Variants in SPSB4 observed in about 807,000 individuals in gnomAD.
The protein encoded by SPSB4 is splA/ryanodine receptor domain and SOCS box containing 4.
SPSB4 carries 21 observed loss-of-function variants against 20.9 expected under a neutral mutation model. The ratio of observed to expected loss-of-function variants is 1.01; its 90% CI spans 0.71 to 1.45. SPSB4 has a LOEUF of 1.45. Among genes scored for constraint, SPSB4 ranks in the 40% most tolerant of loss-of-function variants. The pLI is 0.00. For synonymous variants in SPSB4, 207 were observed against 183.8 expected (o/e 1.13, Z -1.02); for missense variants, 399 against 399.2 (o/e 1.00, Z 0.00).
chr3:141,055,191 C>A (rs1937617821), intron 1 of SPSB4, among the ~76,000 whole-genome samples: 1 of 152,062 alleles, frequency 6.6e-6, no homozygotes, highest in Non-Finnish European at 1.5e-5. Flanking sequence ...GGTTGGAGGG[C>A]AGAGGGTGCA....
chr3:141,116,922 A>G (rs531942995), intron 2 of SPSB4: 46 of 152,304 alleles, frequency 3.0e-4, no homozygotes, highest in African/African-American at 1.1e-3. Flanking sequence ...GAGCAGGCTG[A>G]TGGGTGTGGC....
chr3:141,126,070 A>G (rs981924380), intron 2 of SPSB4, among the ~76,000 whole-genome samples: 3 of 152,186 alleles, frequency 2.0e-5, no homozygotes, highest in African/African-American at 7.2e-5. Flanking sequence ...ATGCTCCCCA[A>G]GTCTTTGGGG....
rs1303760921 is a variant in SPSB4 at position 141,147,264 on chromosome 3, C to T, written c.817C>T (p.Gln273Ter). 3 of 1,614,106 alleles carry T rather than the reference C, an allele frequency of 1.9e-6. No homozygotes were observed. The highest frequency in any genetic ancestry group is 2.5e-6 in the Non-Finnish European group (3 of 1,180,046). ...PQSLKNYLQY[Q>*] The stretch of plus-strand genomic sequence containing the variant: ...GTCTCTCAAAAACTATCTGCAGTAC[C>T]AGTGAGCCAAGCCTGATGGGCAGCA... The change falls in exon 3 of 3, where the codon CAG (glutamine) becomes TAG (stop). Residue 273 changes from glutamine to a stop codon, truncating the protein, a stop_gained. Coordinates refer to ENST00000310546, the MANE Select transcript of SPSB4 (RefSeq NM_080862.3). LOFTEE classifies it high-confidence loss of function.
intron 2 of SPSB4, chr3:141,080,505 C>G (rs566345586): frequency 1.3e-5 from 2 of 152,442 alleles, no homozygotes; most frequent in Non-Finnish European, 2.9e-5. Context: ...GAGCCCACCC[C>G]GACCTCTGTA....
At chr3:141,130,946 G>A (rs1443052185) in intron 2 of SPSB4, among the ~76,000 whole-genome samples, 1 of 152,158 alleles carries the variant, frequency 6.6e-6, no homozygotes, top group Non-Finnish European at 1.5e-5. Flanking sequence ...TCCATCCCTG[G>A]CTCCAGGAAA....
intron 2 of SPSB4, chr3:141,132,116 T>C (rs1434719542): frequency 2.9e-6 from 1 of 349,196 alleles, no homozygotes; most frequent in Non-Finnish European, 5.5e-6. Context: ...GTGTAGTCTT[T>C]TATCCCTCAA....
At chr3:141,062,061 C>A (rs1410415688) in intron 1 of SPSB4, among the ~76,000 whole-genome samples, 5 of 152,152 alleles carry the variant, frequency 3.3e-5, no homozygotes, top group Non-Finnish European at 7.3e-5. Context: ...TGTTCCAGAT[C>A]CCATCCAGGA....
chr3:141,062,982 T>A (rs781433441), intron 1 of SPSB4, among the ~76,000 whole-genome samples: 2 of 149,570 alleles, frequency 1.3e-5, no homozygotes, highest in Non-Finnish European at 2.9e-5. Context: ...AAATTAAAAT[T>A]ACATGCCTCT....
At chr3:141,063,617 A>G (rs576856739) in intron 1 of SPSB4, among the ~76,000 whole-genome samples, 1 of 152,324 alleles carries the variant, frequency 6.6e-6, no homozygotes, top group South Asian at 2.1e-4. Flanking sequence ...TTAGTTTACA[A>G]ATTTGGTTCC....
At chr3:141,103,637 G>C (rs1183040636) in intron 2 of SPSB4, among the ~76,000 whole-genome samples, 1 of 152,094 alleles carries the variant, frequency 6.6e-6, no homozygotes, top group Admixed American at 6.6e-5. Context: ...GAGAATGTAG[G>C]GTAGGTAAGG....
chr3:141,103,680 A>G (rs1312340035), intron 2 of SPSB4, among the ~76,000 whole-genome samples: 1 of 152,086 alleles, frequency 6.6e-6, no homozygotes, highest in Non-Finnish European at 1.5e-5. Flanking sequence ...CAACCCTCCA[A>G]CAGCGAACTG....
chr3:141,136,839 A>G (rs1405908992), intron 2 of SPSB4, among the ~76,000 whole-genome samples: 1 of 152,166 alleles, frequency 6.6e-6, no homozygotes, highest in Admixed American at 6.5e-5. Flanking sequence ...TTTTGGTTCC[A>G]TATGAACTTT....
At chr3:141,101,645 C>A (rs1419396099) in intron 2 of SPSB4, among the ~76,000 whole-genome samples, 1 of 152,202 alleles carries the variant, frequency 6.6e-6, no homozygotes, top group Non-Finnish European at 1.5e-5. Context: ...GGTGCTGGCA[C>A]ACAGTGGTGA....
intron 2 of SPSB4, among the ~76,000 whole-genome samples, chr3:141,107,955 A>T (rs1938725056): frequency 7.1e-6 from 1 of 141,520 alleles, no homozygotes; most frequent in Non-Finnish European, 1.5e-5. Flanking sequence ...ACTCTGTCTT[A>T]AAAAAAAAAA....
chr3:141,110,421 G>T (rs530480157), intron 2 of SPSB4, among the ~76,000 whole-genome samples: 1 of 152,288 alleles, frequency 6.6e-6, no homozygotes, highest in African/African-American at 2.4e-5. Context: ...GCCACATACT[G>T]CCTTGGAGCT....
chr3:141,147,239 GTC>G lies in SPSB4; in HGVS notation c.797_798del (p.Leu266GlnfsTer12). The stretch of plus-strand genomic sequence containing the variant: ...ACATCAGCTCCCTGCCCCTGCCTCA[GTC>G]TCTCAAAAACTATCTGCAGTACCAG... The part of the protein sequence containing the change: ...QDISSLPLPQ[S>X]LKNYLQYQ On this transcript the variant is annotated frameshift_variant, in exon 3 of 3. Transcript: ENST00000310546. LOFTEE classifies it high-confidence loss of function. The G allele has an allele frequency of 1.2e-6, 2 of 1,614,234 alleles. No homozygotes were observed. Among genetic ancestry groups the G allele is most frequent in the South Asian group, 1.1e-5 (1 of 91,080 alleles).
chr3:141,117,343 C>T (rs1938893723), intron 2 of SPSB4, among the ~76,000 whole-genome samples: 1 of 152,176 alleles, frequency 6.6e-6, no homozygotes, highest in Non-Finnish European at 1.5e-5. Flanking sequence ...CTGCTGTTTC[C>T]TTCCAGCTCT....
At chr3:141,114,397 G>A (rs560632296) in intron 2 of SPSB4, among the ~76,000 whole-genome samples, 33 of 152,276 alleles carry the variant, frequency 2.2e-4, no homozygotes, top group African/African-American at 7.7e-4. Flanking sequence ...AACTCCTATG[G>A]GTAATTGACG....
At chr3:141,055,047 G>A (rs1271386352) in intron 1 of SPSB4, among the ~76,000 whole-genome samples, 2 of 152,208 alleles carry the variant, frequency 1.3e-5, no homozygotes, top group Non-Finnish European at 2.9e-5. Flanking sequence ...TCTTAATGCA[G>A]CCAGAGGTAA....
Sources: allele counts gnomAD v4.1 joint callset (sites outside exome capture counted in the v4.1 genomes callset), GRCh38; gene constraint gnomAD v4.1.1; transcripts MANE v1.5; gene names NCBI Gene and HGNC (gene_info 2026-07-23, HGNC 2026-07-21).